Variants in TSC2 observed in about 807,000 individuals in gnomAD.
TSC2 encodes TSC complex subunit 2, also known as tuberin.
A neutral mutation model predicts 202.2 loss-of-function variants in TSC2; 29 were observed. That is an observed-to-expected ratio of 0.14 (90% CI 0.11 to 0.20). The LOEUF is 0.20. Ranked by LOEUF, TSC2 falls within the 10% of genes least tolerant of loss-of-function variation. The pLI is 1.00. For synonymous variants in TSC2, 1,349 were observed against 1,044.0 expected (o/e 1.29, Z -5.63); for missense variants, 2,429 against 2,420.0 (o/e 1.00, Z -0.08).
intron 25 of TSC2, 54 bp from the exon 26 acceptor site, chr16:2,077,544 C>T (rs1372617221): frequency 1.9e-6 from 3 of 1,610,526 alleles, no homozygotes; most frequent in East Asian, 4.5e-5. Context: ...CTTGTTCTCC[C>T]CTTCCCGGGA....
At chr16:2,077,199 G>A (rs1440772123) in intron 25 of TSC2, among the ~76,000 whole-genome samples, 3 of 152,196 alleles carry the variant, frequency 2.0e-5, no homozygotes, top group African/African-American at 7.2e-5. Flanking sequence ...GACCTTCAGG[G>A]CCTGGCCACT....
intron 36 of TSC2, among the ~76,000 whole-genome samples, chr16:2,085,787 G>A (rs2090702604): frequency 6.6e-6 from 1 of 152,346 alleles, no homozygotes; most frequent in South Asian, 2.1e-4. Context: ...CATCCCAAGG[G>A]AAAGGGCAGG....
intron 26 of TSC2, 42 bp downstream of exon 26, chr16:2,077,768 G>T (rs767514069): frequency 1.2e-6 from 2 of 1,607,430 alleles, no homozygotes; most frequent in Admixed American, 3.3e-5. Context: ...CCTGGAGCTT[G>T]GCCCCGTGAG....
rs764259520 is a variant in TSC2 at position 2,072,350 on chromosome 16, C to T, written c.2207C>T (p.Ala736Val). 1.7e-5 allele frequency: 28 copies of T among 1,614,124 alleles called. 1 individual carries two copies. In the South Asian group the frequency reaches 2.9e-4, roughly 16 times the overall value. The stretch of plus-strand genomic sequence containing the variant: ...TGCAGTGTGGACCAGCTGTGCTCTG[C>T]TCTCTGCTCCATGGTACCATGGCCG... ...SPCSVDQLCS[A>V]LCSMLSGPKT... The change falls in exon 20 of 42, where the codon GCT (alanine) becomes GTT (valine). Residue 736 changes from alanine (A) to valine (V), a missense_variant. By Grantham distance (64) the Ala-to-Val change is moderately conservative. Transcript: ENST00000219476.
At position 2,057,088 on chromosome 16, in the gene TSC2, C is replaced by G. The variant is rs137854299; in HGVS notation, c.775-17C>G. 1 of 1,550,966 alleles carries G rather than the reference C, an allele frequency of 6.4e-7. No homozygotes were observed. The highest frequency in any genetic ancestry group is 1.2e-5 in the South Asian group (1 of 84,078). On this transcript the variant is annotated splice_polypyrimidine_tract_variant and intron_variant, in intron 8 of 41. Transcript: ENST00000219476. Reference sequence around the variant, plus strand: ...GGCTTATGCCTGCCAGCCCCTGACACGCATTGTGTCTCGCAGCTGATGCGG... The same window carrying G: ...GGCTTATGCCTGCCAGCCCCTGACAGGCATTGTGTCTCGCAGCTGATGCGG...
rs373982157 is a variant in TSC2 at position 2,084,279 on chromosome 16, G to A, written c.4057G>A (p.Val1353Ile). 8.7e-6 allele frequency: 14 copies of A among 1,611,686 alleles called. No individual in the cohort carries two copies. The South Asian group carries it at 1.4e-4, about 16-fold the overall frequency. The part of the protein sequence containing the change: ...EEKSLHAEEL[V>I]GRGIPIERVV... ...GAAGTCGCTCCACGCGGAGGAGCTG[G>A]TTGGCAGGGGCATCCCCATCGAGCG... Residue 1353 changes from valine to isoleucine, a missense_variant, in exon 34 of 42, where the codon GTT (valine) becomes ATT (isoleucine). Coordinates refer to ENST00000219476, the MANE Select transcript of TSC2 (RefSeq NM_000548.5).
Position 2,077,469 on chromosome 16 carries a change from C to T in TSC2, c.2838-129C>T, listed in dbSNP as rs917065875. On this transcript the variant is annotated intron_variant, in intron 25 of 41. Coordinates refer to ENST00000219476, the MANE Select transcript of TSC2 (RefSeq NM_000548.5). ...TTGGCATGGCTCTTTTTGCTCATCT[C>T]ACCCGCGGGATCTCTCCATCCTGAC... is the stretch of plus-strand genomic sequence containing the variant. 2.3e-5 allele frequency: 33 copies of T among 1,411,238 alleles called. No homozygotes were observed. In the African/African-American group the frequency reaches 2.6e-4, roughly 11 times the overall value. The allele number at this position is 1,411,238 out of a possible 1,614,324, so 87.4% of individuals were successfully genotyped here.
rs963790493 is a variant in TSC2 at position 2,079,965 on chromosome 16, G to C, written c.3398-200G>C. Among the ~76,000 whole-genome samples the C allele has an allele frequency of 1.3e-5, 2 of 152,260 alleles. No homozygotes were observed. The highest frequency in any genetic ancestry group is 4.8e-5 in the African/African-American group (2 of 41,478). The stretch of plus-strand genomic sequence containing the variant: ...CCAGCGAGCCGTGGTCTGACTGCAG[G>C]ACAGGTTCTGGGTCCCTCCCTGTGG... On this transcript the variant is annotated intron_variant, in intron 29 of 41. Coordinates refer to ENST00000219476, the MANE Select transcript of TSC2 (RefSeq NM_000548.5). The surrounding 1 kb of genome is among the most constrained non-coding windows in gnomAD (Gnocchi z 4.6).
chr16:2,059,602 C>T (rs1417609985), intron 10 of TSC2, among the ~76,000 whole-genome samples: 1 of 151,174 alleles, frequency 6.6e-6, no homozygotes, highest in Non-Finnish European at 1.5e-5. Context: ...TCAGCGCAAC[C>T]TCCGCCTCCC....
Position 2,088,209 on chromosome 16 carries a change from C to A in TSC2, c.5161-18C>A, listed in dbSNP as rs747362965. ...GGTGCCACCTGATAGTGAGCTCACC[C>A]CCTGCCTACGTCCCCAGATGGCCTC... On this transcript the variant is annotated intron_variant, in intron 40 of 41. Transcript: ENST00000219476. 1 of 1,613,114 alleles carries A rather than the reference C, an allele frequency of 6.2e-7. No individual in the cohort carries two copies. Among genetic ancestry groups the A allele is most frequent in the South Asian group, 1.1e-5 (1 of 91,080 alleles).
At chr16:2,065,742 C>T in intron 16 of TSC2, 107 bp downstream of exon 16, 1 of 1,028,610 alleles carries the variant, frequency 9.7e-7, no homozygotes, top group Non-Finnish European at 1.5e-6. Context: ...CCCACACCCT[C>T]CCTGGATTTG....
intron 11 of TSC2, chr16:2,061,113 G>GC (rs1273261675): frequency 2.2e-6 from 1 of 450,724 alleles, no homozygotes; most frequent in African/African-American, 2.0e-5. Context: ...GCCTGAGTGG[G>GC]CCCCGGCACA....
intron 10 of TSC2, among the ~76,000 whole-genome samples, chr16:2,059,509 GTTTTTTT>G (rs34881847): frequency 3.1e-5 from 2 of 63,544 alleles, no homozygotes; most frequent in Non-Finnish European, 5.7e-5. Flanking sequence ...CTGGCTAATG[GTTTTTTT>G]TTTTTTTTTT....
chr16:2,074,115 G>A (rs564937769), intron 21 of TSC2, 85 bp from the exon 22 acceptor site: 34 of 1,564,178 alleles, frequency 2.2e-5, no homozygotes, highest in Admixed American at 3.4e-5. Flanking sequence ...CTGTTCTCCC[G>A]GTGGAGCACT....
At chr16:2,073,150 C>G (rs558260404) in intron 21 of TSC2, among the ~76,000 whole-genome samples, 167 bp downstream of exon 21, 3 of 152,104 alleles carry the variant, frequency 2.0e-5, no homozygotes, top group African/African-American at 7.2e-5. Flanking sequence ...TGGGGACATC[C>G]GATTCCCTGG....
intron 4 of TSC2, chr16:2,053,760 C>T (rs946362833): frequency 2.1e-5 from 12 of 566,458 alleles, no homozygotes; most frequent in African/African-American, 3.7e-5. Context: ...TGTGGGGCTA[C>T]GGTGTTGTTT....
At chr16:2,075,751 C>A (rs1219365507) in intron 22 of TSC2, 48 bp from the exon 23 acceptor site, 1 of 1,591,362 alleles carries the variant, frequency 6.3e-7, no homozygotes, top group Non-Finnish European at 8.6e-7. Flanking sequence ...CCTTCAGAGG[C>A]GCTGCACGGG....
At chr16:2,081,289 G>A (rs780308316) in intron 30 of TSC2, 41 of 444,722 alleles carry the variant, frequency 9.2e-5, no homozygotes, top group South Asian at 2.1e-4. Context: ...TGGGTGTGCC[G>A]TGGCTGAGGG....
chr16:2,048,819 G>A (rs2084701016), intron 2 of TSC2, 66 bp downstream of exon 2: 1 of 1,610,018 alleles, frequency 6.2e-7, no homozygotes, highest in African/African-American at 1.3e-5. Flanking sequence ...GTTTGGTCTT[G>A]CACCAGGTTC....
Sources: gnomAD v4.1 joint callset for allele counts (sites outside exome capture counted in the v4.1 genomes callset) on GRCh38, gnomAD v4.1.1 for gene constraint, Gnocchi (gnomAD v3.1) non-coding constraint, MANE v1.5 for transcripts, NCBI Gene and HGNC (gene_info 2026-07-23, HGNC 2026-07-21) for gene names.